The following KIF5C variants were observed in gnomAD, a reference collection of about 807,000 sequenced individuals.
KIF5C encodes kinesin family member 5C, also known as kinesin heavy chain isoform 5C.
A neutral mutation model predicts 125.2 loss-of-function variants in KIF5C; 18 were observed. The ratio of observed to expected loss-of-function variants is 0.14; its 90% CI spans 0.10 to 0.21. The LOEUF is 0.21. Among genes scored for constraint, KIF5C ranks in the 10% least tolerant of loss-of-function variants. The probability of loss-of-function intolerance (pLI) is 1.00; values close to 1 mark genes in which losing one functional copy is unlikely to be tolerated. For synonymous variants in KIF5C, 405 were observed against 434.0 expected, an observed-to-expected ratio of 0.93 and a Z score of 0.83; for missense variants, 780 against 1,183.8, an observed-to-expected ratio of 0.66 and a Z score of 5.01.
chr2:149,002,796 C>A lies in KIF5C; in HGVS notation c.2373+2014C>A, dbSNP rs1308810065. 2.6e-5 allele frequency among the ~76,000 whole-genome samples: 4 copies of A among 152,230 alleles called. No individual in the cohort carries two copies. The East Asian group carries it at 5.8e-4, about 22-fold the overall frequency. ...TCACAGGCACACTCATTTCCATGCT[C>A]ACGGACTCACATGCTTTCTCCTCTC... On this transcript the variant is annotated intron_variant, in intron 21 of 25. Coordinates refer to ENST00000435030, the MANE Select transcript of KIF5C (RefSeq NM_004522.3).
intron 1 of KIF5C, chr2:148,883,919 G>A (rs1467549407): frequency 6.6e-6 from 1 of 152,090 alleles, no homozygotes; most frequent in East Asian, 1.9e-4. Context: ...AAGGATATAC[G>A]AGATGATTTT....
chr2:148,995,749 A>C (rs902925104), intron 17 of KIF5C, among the ~76,000 whole-genome samples: 3 of 152,268 alleles, frequency 2.0e-5, no homozygotes, highest in Admixed American at 2.0e-4. Context: ...GTTATTTAAT[A>C]GAACTTTTTC....
At chr2:149,004,475 T>C (rs1377665858) in intron 21 of KIF5C, among the ~76,000 whole-genome samples, 1 of 152,212 alleles carries the variant, frequency 6.6e-6, no homozygotes, top group East Asian at 1.9e-4. Context: ...TCTTCTGATC[T>C]TGTTAACAAA....
chr2:149,010,997 C>T (rs1389775585), intron 24 of KIF5C, among the ~76,000 whole-genome samples: 1 of 150,372 alleles, frequency 6.7e-6, no homozygotes, highest in Non-Finnish European at 1.5e-5. Context: ...TAAACAGCTT[C>T]TTCTCCTTTT....
At chr2:148,960,502 A>G (rs984914668) in intron 10 of KIF5C, among the ~76,000 whole-genome samples, 4 of 152,216 alleles carry the variant, frequency 2.6e-5, no homozygotes, top group Non-Finnish European at 5.9e-5. Flanking sequence ...TAAAGTAGTA[A>G]TAAAATTGCT....
rs59582798 is a variant in KIF5C at position 148,989,337 on chromosome 2, T to TACACACACAC, written c.1717-1650_1717-1641dup. 4.0e-3 allele frequency among the ~76,000 whole-genome samples: 590 copies of TACACACACAC among 147,916 alleles called. 1 individual carries two copies. Among genetic ancestry groups the TACACACACAC allele is most frequent in the Non-Finnish European group, 6.7e-3 (450 of 66,790 alleles). On this transcript the variant is annotated intron_variant, in intron 15 of 25. Coordinates refer to ENST00000435030, the MANE Select transcript of KIF5C (RefSeq NM_004522.3). ...ATGGCTGGGTAGTATTCCATGATTT[T>TACACACACAC]ACACACACACACACACACACACACA...
At chr2:148,933,756 CACAT>C (rs1435928482) in intron 3 of KIF5C, among the ~76,000 whole-genome samples, 1 of 150,976 alleles carries the variant, frequency 6.6e-6, no homozygotes, top group East Asian at 2.0e-4. Flanking sequence ...CACACGCACA[CACAT>C]ACATTCACGA....
At chr2:148,973,198 C>T in intron 11 of KIF5C, 138 bp from the exon 12 acceptor site, 1 of 1,262,058 alleles carries the variant, frequency 7.9e-7, no homozygotes, top group Non-Finnish European at 1.0e-6. Flanking sequence ...AGAAGGAACA[C>T]AAACTCTACC....
chr2:149,013,354 G>T (rs1045790328), intron 25 of KIF5C, among the ~76,000 whole-genome samples: 3 of 152,154 alleles, frequency 2.0e-5, no homozygotes, highest in African/African-American at 4.8e-5. Context: ...CAGAGAAGAG[G>T]CAAAAGCAGC....
Position 148,875,411 on chromosome 2 carries a change from C to T in KIF5C, c.-207C>T, listed in dbSNP as rs1034970376. On this transcript the variant is annotated 5_prime_UTR_variant, in exon 1 of 26. Coordinates refer to ENST00000435030, the MANE Select transcript of KIF5C (RefSeq NM_004522.3). Reference sequence around the variant, plus strand: ...CAGGCCGGTCTGCAGCCGGAGGGGCCGGAGCGGAGAAGCTGCCCACCTTCC... The same window carrying T: ...CAGGCCGGTCTGCAGCCGGAGGGGCTGGAGCGGAGAAGCTGCCCACCTTCC... The T allele has an allele frequency of 3.7e-6, 2 of 534,638 alleles. No homozygotes were observed. The highest frequency in any genetic ancestry group is 2.0e-5 in the African/African-American group (1 of 48,786). The allele number at this position is 534,638 out of a possible 1,614,324, so 33.1% of individuals were successfully genotyped here.
chr2:148,929,837 C>CA (rs1682132503), intron 3 of KIF5C, among the ~76,000 whole-genome samples: 1 of 151,728 alleles, frequency 6.6e-6, no homozygotes. Flanking sequence ...TAATAGTAAG[C>CA]AATGTTAAAA....
At chr2:148,967,878 A>G (rs1025111048) in intron 11 of KIF5C, among the ~76,000 whole-genome samples, 19 of 152,140 alleles carry the variant, frequency 1.2e-4, no homozygotes, top group African/African-American at 4.1e-4. Flanking sequence ...ATAGAGTTAA[A>G]TAGTTGGATT....
chr2:148,961,308 G>A (rs1682920024), intron 10 of KIF5C, among the ~76,000 whole-genome samples: 1 of 152,102 alleles, frequency 6.6e-6, no homozygotes, highest in South Asian at 2.1e-4. Flanking sequence ...GGGGGGGCGG[G>A]TGTGTGCTCA....
At position 148,876,324 on chromosome 2, in the gene KIF5C, G is replaced by A. The variant is rs1681189941; in HGVS notation, c.126+581G>A. On this transcript the variant is annotated intron_variant, in intron 1 of 25. Transcript: ENST00000435030. This position sits in a 1 kb window ranked among gnomAD's most constrained non-coding sequence, Gnocchi z 4.7. ...CGCGCGCGGAAGGCGGAGGGTTGGG[G>A]GAGTACTGGTGGCCTCGGTGTCCCC... Among the ~76,000 whole-genome samples, 1 of 152,224 alleles carries A rather than the reference G, an allele frequency of 6.6e-6. No homozygotes were observed. Among genetic ancestry groups the A allele is most frequent in the Non-Finnish European group, 1.5e-5 (1 of 68,024 alleles).
intron 1 of KIF5C, among the ~76,000 whole-genome samples, chr2:148,911,554 G>A (rs1681339343): frequency 6.6e-6 from 1 of 152,202 alleles, no homozygotes; most frequent in African/African-American, 2.4e-5. Context: ...GGAAGTAGAG[G>A]CATGAGAAGA....
chr2:148,945,745 G>A (rs2105107608), intron 7 of KIF5C, among the ~76,000 whole-genome samples: 1 of 151,856 alleles, frequency 6.6e-6, no homozygotes, highest in East Asian at 1.9e-4. Context: ...CCATTATATT[G>A]TTGAAGTGTG....
intron 10 of KIF5C, among the ~76,000 whole-genome samples, chr2:148,953,368 G>A (rs1682714404): frequency 6.6e-6 from 1 of 152,228 alleles, no homozygotes; most frequent in African/African-American, 2.4e-5. Context: ...TTGGAAATGT[G>A]TGAGGTTTCG....
chr2:149,004,113 C>T (rs1558943658), intron 21 of KIF5C, among the ~76,000 whole-genome samples: 1 of 152,234 alleles, frequency 6.6e-6, no homozygotes, highest in Non-Finnish European at 1.5e-5. Context: ...AATCACAGAT[C>T]CATTTGGTTT....
intron 1 of KIF5C, among the ~76,000 whole-genome samples, chr2:148,915,902 C>T (rs1681528752): frequency 1.3e-5 from 2 of 152,202 alleles, no homozygotes; most frequent in Admixed American, 1.3e-4. Context: ...GCCTCAGGGT[C>T]ACCCCTGCAC....
Sources: allele counts gnomAD v4.1 joint callset (sites outside exome capture counted in the v4.1 genomes callset), GRCh38; gene constraint gnomAD v4.1.1; non-coding constraint Gnocchi (gnomAD v3.1); transcripts MANE v1.5; gene names NCBI Gene and HGNC (gene_info 2026-07-23, HGNC 2026-07-21).